Variants in FARP1 observed in about 807,000 individuals in gnomAD.
The protein encoded by FARP1 is FERM, ARH/RhoGEF and pleckstrin domain protein 1, also known as FERM, ARHGEF and pleckstrin domain-containing protein 1.
Under a neutral mutation model 128.8 loss-of-function variants are expected in FARP1, and 52 were observed. The observed-to-expected ratio is 0.40, with a 90% CI of 0.32 to 0.51. The LOEUF is 0.51. Ranked by LOEUF, FARP1 falls within the 20% of genes least tolerant of loss-of-function variation. The probability of loss-of-function intolerance (pLI) is 0.45; values close to 1 mark genes in which losing one functional copy is unlikely to be tolerated. For synonymous variants in FARP1, 580 were observed against 551.8 expected, an observed-to-expected ratio of 1.05 and a Z score of -0.72; for missense variants, 1,333 against 1,367.9, an observed-to-expected ratio of 0.97 and a Z score of 0.40.
Position 98,176,439 on chromosome 13 carries a change from T to A in FARP1, c.-24+32947T>A. ...AATAATGCCTGCACTTGGTGACGAC[T>A]GGGTTTTGGAAGGCCTGGCGACATA... On this transcript the variant is annotated intron_variant, in intron 1 of 26. Transcript: ENST00000319562. This position sits in a 1 kb window ranked among gnomAD's most constrained non-coding sequence, Gnocchi z 6.2. 6.2e-7 allele frequency: 1 copy of A among 1,614,232 alleles called. No homozygotes were observed. Among genetic ancestry groups the A allele is most frequent in the Non-Finnish European group, 8.5e-7 (1 of 1,180,036 alleles).
chr13:98,170,539 G>A (rs1306083989), intron 1 of FARP1, among the ~76,000 whole-genome samples: 1 of 151,406 alleles, frequency 6.6e-6, no homozygotes, highest in African/African-American at 2.4e-5. Context: ...TGTATTTTTA[G>A]TAGAGATGGG....
At chr13:98,276,237 T>A (rs994573928) in intron 2 of FARP1, among the ~76,000 whole-genome samples, 19 of 152,206 alleles carry the variant, frequency 1.2e-4, no homozygotes, top group African/African-American at 4.3e-4. Context: ...ACAAGACCCA[T>A]TTCTCAATTA....
Position 98,440,059 on chromosome 13 carries a change from G to T in FARP1, c.2516+16G>T, listed in dbSNP as rs770309665. The T allele has an allele frequency of 6.2e-7, 1 of 1,608,834 alleles. No homozygotes were observed. The highest frequency in any genetic ancestry group is 8.5e-7 in the Non-Finnish European group (1 of 1,175,640). On this transcript the variant is annotated intron_variant, in intron 22 of 26. Coordinates refer to ENST00000319562, the MANE Select transcript of FARP1 (RefSeq NM_005766.4). ...TGGCCGCCAGGTAACTCGGGAGCCC[G>T]CCCCTTGCCTGTTTCCCCTTTGATG... is the stretch of plus-strand genomic sequence containing the variant.
At chr13:98,147,840 A>T (rs12875352) in intron 1 of FARP1, among the ~76,000 whole-genome samples, 2 of 114,888 alleles carry the variant, frequency 1.7e-5, no homozygotes, top group East Asian at 2.7e-4. Flanking sequence ...CTTTAAAAAA[A>T]TTTTTCTTAG....
chr13:98,377,778 C>T, intron 5 of FARP1, 43 bp from the exon 6 acceptor site: 2 of 1,479,334 alleles, frequency 1.4e-6, no homozygotes, highest in Non-Finnish European at 1.9e-6. Flanking sequence ...CCGGTGACCT[C>T]CTGCCCTCTT....
chr13:98,347,805 A>G (rs1566904147), intron 3 of FARP1, among the ~76,000 whole-genome samples: 1 of 152,186 alleles, frequency 6.6e-6, no homozygotes, highest in Admixed American at 6.5e-5. Context: ...GAGAAAAAGC[A>G]TGGTTGGTTT....
In FARP1 at chr13:98,386,450, G is replaced by T. The variant is rs796964407; in HGVS notation, c.759+636G>T. 3.6e-4 allele frequency among the ~76,000 whole-genome samples: 55 copies of T among 152,230 alleles called. 1 individual carries two copies. Among genetic ancestry groups the T allele is most frequent in the African/African-American group, 1.2e-3 (50 of 41,534 alleles). On this transcript the variant is annotated intron_variant, in intron 8 of 26. Coordinates refer to ENST00000319562, the MANE Select transcript of FARP1 (RefSeq NM_005766.4). ...CATTCTGCTATTGGACTGTTTCATT[G>T]ATCAATGCTTCTCTCTTAGTAGCCT... is the stretch of plus-strand genomic sequence containing the variant.
chr13:98,265,420 C>T (rs1163946688), intron 2 of FARP1, among the ~76,000 whole-genome samples: 17 of 144,944 alleles, frequency 1.2e-4, no homozygotes, highest in East Asian at 2.1e-4. Flanking sequence ...CCCGGGTTCA[C>T]GCCATTCTCC....
intron 2 of FARP1, among the ~76,000 whole-genome samples, chr13:98,295,603 A>G (rs1227660312): frequency 6.6e-6 from 1 of 152,190 alleles, no homozygotes; most frequent in Non-Finnish European, 1.5e-5. Context: ...TTTCTTATGC[A>G]TCTTTGACTT....
At chr13:98,145,861 C>CAAAAAAAAAAAAAAAAAAAA (rs140525790) in intron 1 of FARP1, among the ~76,000 whole-genome samples, 1 of 131,218 alleles carries the variant, frequency 7.6e-6, no homozygotes. Context: ...GACTCTGTCT[C>CAAAAAAAAAAAAAAAAAAAA]AAAAAAAAAA....
At chr13:98,405,417 A>G (rs893096786) in intron 13 of FARP1, 2 of 152,206 alleles carry the variant, frequency 1.3e-5, no homozygotes, top group African/African-American at 4.8e-5. Flanking sequence ...TTATAAAGCA[A>G]TTACTAGAAA....
intron 2 of FARP1, among the ~76,000 whole-genome samples, chr13:98,326,453 C>T (rs1291467961): frequency 6.6e-6 from 1 of 152,198 alleles, no homozygotes; most frequent in African/African-American, 2.4e-5. Flanking sequence ...TCCCACTCAA[C>T]AACTTCCCAT....
At chr13:98,388,985 G>A (rs1380426443) in intron 9 of FARP1, among the ~76,000 whole-genome samples, 2 of 152,256 alleles carry the variant, frequency 1.3e-5, no homozygotes, top group East Asian at 3.8e-4. Context: ...ACTGGGACGG[G>A]AAGGGAGGAG....
Position 98,422,670 on chromosome 13 carries a change from T to C in FARP1, c.1827-1902T>C, listed in dbSNP as rs76286427. Among the ~76,000 whole-genome samples the C allele has an allele frequency of 3.5e-4, 54 of 152,316 alleles. No homozygotes were observed. The East Asian group carries it at 0.01, about 29-fold the overall frequency. On this transcript the variant is annotated intron_variant, in intron 16 of 26. Transcript: ENST00000319562. ...AATGTGAAGCCAGGAGCAACCTGTT[T>C]CTACTCACGATGACTTTTCTACCTC...
Position 98,173,620 on chromosome 13 carries a change from C to A in FARP1, c.-24+30128C>A, listed in dbSNP as rs571528605. 3.3e-5 allele frequency among the ~76,000 whole-genome samples: 5 copies of A among 152,328 alleles called. No homozygotes were observed. In the South Asian group the frequency reaches 1.0e-3, roughly 32 times the overall value. On this transcript the variant is annotated intron_variant, in intron 1 of 26. Transcript: ENST00000319562. Reference sequence around the variant, plus strand: ...TTGTTTGGTTTTGCCAGATTTTTCTCATGTTGCTCATGTTGATTCCGAAGG... The same window carrying A: ...TTGTTTGGTTTTGCCAGATTTTTCTAATGTTGCTCATGTTGATTCCGAAGG...
At chr13:98,359,813 AT>A (rs1888790823) in intron 3 of FARP1, among the ~76,000 whole-genome samples, 1 of 152,196 alleles carries the variant, frequency 6.6e-6, no homozygotes, top group Non-Finnish European at 1.5e-5. Flanking sequence ...TCACTGTATG[AT>A]GCTCACACAA....
rs1229629085 is a variant in FARP1, at chr13:98,176,267, G to A, written c.-24+32775G>A. On this transcript the variant is annotated intron_variant, in intron 1 of 26. Transcript: ENST00000319562. The surrounding 1 kb of genome is among the most constrained non-coding windows in gnomAD (Gnocchi z 6.2). ...CACTCATGGGGGTCTTCTGTGAAAT[G>A]GGACTTGCCCCCACCTTCTGCAGCC... The A allele has an allele frequency of 1.2e-6, 2 of 1,610,832 alleles. No homozygotes were observed. The highest frequency in any genetic ancestry group is 1.7e-5 in the Admixed American group (1 of 59,728).
intron 1 of FARP1, among the ~76,000 whole-genome samples, chr13:98,187,115 A>G (rs1208636498): frequency 2.0e-5 from 3 of 151,278 alleles, no homozygotes; most frequent in Admixed American, 2.0e-4. Context: ...TCGTATGGCA[A>G]TTCTATATTT....
chr13:98,289,286 T>G (rs1042566894), intron 2 of FARP1, among the ~76,000 whole-genome samples: 1 of 152,202 alleles, frequency 6.6e-6, no homozygotes, highest in African/African-American at 2.4e-5. Flanking sequence ...CTTTGGCTAA[T>G]GCAGAGTCTC....
Sources: allele counts gnomAD v4.1 joint callset (sites outside exome capture counted in the v4.1 genomes callset), GRCh38; gene constraint gnomAD v4.1.1; non-coding constraint Gnocchi (gnomAD v3.1); transcripts MANE v1.5; gene names NCBI Gene and HGNC (gene_info 2026-07-23, HGNC 2026-07-21).